LUZP2: variants seen among roughly 807,000 people sequenced by gnomAD.
LUZP2 encodes leucine zipper protein 2.
In LUZP2, 52 loss-of-function variants were observed where a neutral mutation model predicts 51.6. That is an observed-to-expected ratio of 1.01 (90% CI 0.81 to 1.27). LUZP2 has a LOEUF of 1.27. Among genes scored for constraint, LUZP2 ranks in the 50% most tolerant of loss-of-function variants. LUZP2 has a pLI of 0.00. For synonymous variants in LUZP2, 154 were observed against 137.3 expected, an observed-to-expected ratio of 1.12 and a Z score of -0.85; for missense variants, 436 against 395.4, an observed-to-expected ratio of 1.10 and a Z score of -0.87.
intron 1 of LUZP2, among the ~76,000 whole-genome samples, chr11:24,542,430 A>G (rs988720262): frequency 6.6e-6 from 1 of 152,098 alleles, no homozygotes; most frequent in South Asian, 2.1e-4. Context: ...AGAAAAAGGG[A>G]AAGTATGTCT....
intron 4 of LUZP2, among the ~76,000 whole-genome samples, chr11:24,755,021 T>TACTCGGGA (rs1333546027): frequency 4.6e-5 from 7 of 151,882 alleles, no homozygotes; most frequent in Non-Finnish European, 1.5e-5. Flanking sequence ...TGGCGGGGCT[T>TACTCGGGA]GTAATCCCAG....
In LUZP2 at chr11:24,771,710, G is replaced by A. The variant is rs556633320; in HGVS notation, c.396+8402G>A. Among the ~76,000 whole-genome samples the A allele has an allele frequency of 2.8e-4, 42 of 152,100 alleles. No individual in the cohort carries two copies. The South Asian group carries it at 6.6e-3, about 24-fold the overall frequency. On this transcript the variant is annotated intron_variant, in intron 5 of 11. Coordinates refer to ENST00000336930, the MANE Select transcript of LUZP2 (RefSeq NM_001009909.4). The stretch of plus-strand genomic sequence containing the variant: ...CACCTTAATTTGTAATAATCCCCAC[G>A]TGTCAAAGGGTGGGGGCCAGGTGGA...
chr11:24,891,413 A>G, intron 5 of LUZP2: 1 of 960,272 alleles, frequency 1.0e-6, no homozygotes, highest in African/African-American at 1.8e-5. Context: ...TTATATCATT[A>G]TGAAATTAAA....
At chr11:25,030,893 A>ATATATATATAATATATATTTTAT (rs1565254129) in intron 9 of LUZP2, among the ~76,000 whole-genome samples, 1 of 40,084 alleles carries the variant, frequency 2.5e-5, no homozygotes, top group Non-Finnish European at 3.8e-5. Context: ...TATATATATT[A>ATATATATATAATATATATTTTAT]TATATATATA....
chr11:24,846,210 G>GA (rs1476730888), intron 5 of LUZP2, among the ~76,000 whole-genome samples: 4 of 151,024 alleles, frequency 2.6e-5, no homozygotes, highest in East Asian at 3.9e-4. Flanking sequence ...AAGCCAACAA[G>GA]AAAAAAAATC....
At chr11:25,054,510 G>A (rs943541098) in intron 10 of LUZP2, among the ~76,000 whole-genome samples, 1 of 151,894 alleles carries the variant, frequency 6.6e-6, no homozygotes, top group African/African-American at 2.4e-5. Flanking sequence ...ATGGTGTTAG[G>A]TAAGGTTTTG....
intron 10 of LUZP2, among the ~76,000 whole-genome samples, chr11:25,054,002 A>C (rs1338378366): frequency 1.3e-4 from 20 of 152,012 alleles, no homozygotes; most frequent in Admixed American, 1.2e-3. Flanking sequence ...AGCCTCTTGG[A>C]GTTTTTGTAT....
intron 5 of LUZP2, among the ~76,000 whole-genome samples, chr11:24,803,996 G>GAAAA (rs75845899): frequency 1.9e-5 from 2 of 106,076 alleles, no homozygotes; most frequent in East Asian, 2.5e-4. Context: ...TGCCATAAAG[G>GAAAA]AAAAAAAAAA....
intron 1 of LUZP2, among the ~76,000 whole-genome samples, chr11:24,522,279 TG>T (rs1200236068): frequency 1.3e-5 from 2 of 152,150 alleles, no homozygotes; most frequent in African/African-American, 4.8e-5. Context: ...ACATAATTTC[TG>T]AAACTAATTC....
chr11:24,918,661 T>C (rs1182421805), intron 7 of LUZP2, among the ~76,000 whole-genome samples: 2 of 151,522 alleles, frequency 1.3e-5, no homozygotes, highest in African/African-American at 2.4e-5. Flanking sequence ...CTAAATATTA[T>C]TTATCATTGA....
At chr11:24,627,628 C>G (rs1417916556) in intron 1 of LUZP2, among the ~76,000 whole-genome samples, 1 of 152,182 alleles carries the variant, frequency 6.6e-6, no homozygotes, top group East Asian at 1.9e-4. Context: ...ATGTGAATAA[C>G]CAGTGTTCTG....
rs77960786 is a variant in LUZP2 at position 24,698,417 on chromosome 11, A to T, written c.63-30752A>T. ...GACTTGAACACTTCAACCTTTTGGT[A>T]GCCATTGATATTATTGTGCTTTGTC... is the stretch of plus-strand genomic sequence containing the variant. On this transcript the variant is annotated intron_variant, in intron 1 of 11. Transcript: ENST00000336930. Among the ~76,000 whole-genome samples the T allele has an allele frequency of 9.2e-5, 14 of 152,342 alleles. No homozygotes were observed. In the East Asian group the frequency reaches 2.7e-3, roughly 29 times the overall value.
intron 7 of LUZP2, among the ~76,000 whole-genome samples, chr11:24,960,128 G>C (rs1378789642): frequency 2.6e-5 from 4 of 152,238 alleles, no homozygotes; most frequent in East Asian, 3.9e-4. Context: ...TAAGCTTTTT[G>C]ATGTGCTGCT....
intron 9 of LUZP2, among the ~76,000 whole-genome samples, chr11:25,047,190 T>G (rs1336583197): frequency 1.3e-5 from 2 of 152,114 alleles, no homozygotes; most frequent in Non-Finnish European, 1.5e-5. Context: ...TACTATTTAT[T>G]TATTACTCTT....
chr11:24,603,239 G>T (rs1177583738), intron 1 of LUZP2, among the ~76,000 whole-genome samples: 2 of 151,816 alleles, frequency 1.3e-5, no homozygotes, highest in East Asian at 1.9e-4. Flanking sequence ...TCAAGAGTAA[G>T]ATTTTCCATC....
At chr11:24,949,334 C>A (rs10834552) in intron 7 of LUZP2, among the ~76,000 whole-genome samples, 31 of 33,550 alleles carry the variant, frequency 9.2e-4, no homozygotes, top group South Asian at 1.6e-3. Context: ...CTATCTATCT[C>A]TCTATCTATC....
chr11:24,697,308 A>G (rs1230351695), intron 1 of LUZP2, among the ~76,000 whole-genome samples: 4 of 152,174 alleles, frequency 2.6e-5, no homozygotes, highest in Non-Finnish European at 5.9e-5. Flanking sequence ...TAGGCAAGTT[A>G]AGAGATCTAT....
chr11:24,738,183 T>C, intron 3 of LUZP2, 38 bp from the exon 4 acceptor site: 1 of 1,352,946 alleles, frequency 7.4e-7, no homozygotes, highest in Non-Finnish European at 1.0e-6. Flanking sequence ...TGGAATTATA[T>C]TATTTTCTCA....
intron 4 of LUZP2, among the ~76,000 whole-genome samples, chr11:24,757,461 A>T (rs1012252089): frequency 2.0e-5 from 3 of 152,136 alleles, no homozygotes; most frequent in African/African-American, 7.2e-5. Context: ...AATGAAAATC[A>T]TACATGTCAA....
Sources: allele counts gnomAD v4.1 joint callset (sites outside exome capture counted in the v4.1 genomes callset), GRCh38; gene constraint gnomAD v4.1.1; transcripts MANE v1.5; gene names NCBI Gene and HGNC (gene_info 2026-07-23, HGNC 2026-07-21).